PBLD: variants seen among roughly 807,000 people sequenced by gnomAD.
PBLD encodes the protein phenazine biosynthesis like protein domain containing.
In PBLD, 26 loss-of-function variants were observed where a neutral mutation model predicts 31.3. The observed-to-expected ratio is 0.83, with a 90% CI of 0.61 to 1.15. The LOEUF (loss-of-function observed/expected upper bound fraction) is 1.15, where lower values mean the gene tolerates loss of function less well. Among genes scored for constraint, PBLD ranks in the 50% most tolerant of loss-of-function variants. The probability of loss-of-function intolerance (pLI) is 0.00; values close to 1 mark genes in which losing one functional copy is unlikely to be tolerated. For missense variants in PBLD, 307 were observed against 351.7 expected (o/e 0.87, Z 1.02); for synonymous variants, 114 against 129.0 (o/e 0.88, Z 0.79).
chr10:68,313,209 C>T (rs1022623633), intron 1 of PBLD, among the ~76,000 whole-genome samples: 3 of 152,142 alleles, frequency 2.0e-5, no homozygotes, highest in South Asian at 2.1e-4. Flanking sequence ...GCCAACGTGC[C>T]GGGCCGAGTT....
chr10:68,313,901 G>A (rs1367172076), intron 1 of PBLD, among the ~76,000 whole-genome samples: 1 of 152,094 alleles, frequency 6.6e-6, no homozygotes, highest in East Asian at 1.9e-4. Context: ...CTCTGTTAAG[G>A]AAGCTGTACT....
intron 2 of PBLD, among the ~76,000 whole-genome samples, chr10:68,298,979 C>T (rs932435155): frequency 2.6e-5 from 4 of 151,748 alleles, no homozygotes; most frequent in Admixed American, 6.6e-5. Flanking sequence ...TGGTGGCACG[C>T]GCCTGTAATC....
At chr10:68,313,293 T>C (rs2044695293) in intron 1 of PBLD, among the ~76,000 whole-genome samples, 1 of 152,206 alleles carries the variant, frequency 6.6e-6, no homozygotes, top group African/African-American at 2.4e-5. Context: ...CCATACTTTG[T>C]CTCTTCATTC....
chr10:68,322,724 GATGCTACCATCA>G (rs1400685141), intron 1 of PBLD, among the ~76,000 whole-genome samples: 2 of 151,792 alleles, frequency 1.3e-5, no homozygotes, highest in African/African-American at 2.4e-5. Flanking sequence ...ATGTAGCATG[GATGCTACCATCA>G]ATGTAAGATT....
intron 1 of PBLD, among the ~76,000 whole-genome samples, chr10:68,330,751 TGTGTG>T (rs1473134813): frequency 3.2e-5 from 4 of 123,272 alleles, no homozygotes; most frequent in Non-Finnish European, 7.1e-5. Flanking sequence ...TGTGTGTGTG[TGTGTG>T]TATTTTTAGT....
At chr10:68,328,500 A>G (rs1299261414) in intron 1 of PBLD, among the ~76,000 whole-genome samples, 1 of 152,120 alleles carries the variant, frequency 6.6e-6, no homozygotes, top group Non-Finnish European at 1.5e-5. Flanking sequence ...TCACATGGGT[A>G]CTTCTATTTC....
chr10:68,330,962 C>T (rs2045055367), intron 1 of PBLD, among the ~76,000 whole-genome samples: 2 of 152,104 alleles, frequency 1.3e-5, no homozygotes, highest in Non-Finnish European at 2.9e-5. Context: ...ACAAGCCATC[C>T]TTTTGCCCAG....
intron 1 of PBLD, among the ~76,000 whole-genome samples, chr10:68,319,105 AAG>A (rs1423307356): frequency 7.4e-6 from 1 of 135,894 alleles, no homozygotes; most frequent in Non-Finnish European, 1.5e-5. Context: ...GAAAGAAAGA[AAG>A]AAAGGAAAAA....
chr10:68,316,881 C>T (rs555557915), intron 1 of PBLD, among the ~76,000 whole-genome samples: 12 of 152,180 alleles, frequency 7.9e-5, no homozygotes, highest in East Asian at 3.9e-4. Context: ...GGCATAGTGG[C>T]GTGCGAATGT....
chr10:68,285,797 G>GC (rs1304820009), intron 8 of PBLD, among the ~76,000 whole-genome samples: 2 of 151,820 alleles, frequency 1.3e-5, no homozygotes, highest in African/African-American at 2.4e-5. Flanking sequence ...TCCTACCTCA[G>GC]CCCCCCGCAA....
At chr10:68,289,179 G>A (rs2044325642) in intron 6 of PBLD, among the ~76,000 whole-genome samples, 160 bp from the exon 7 acceptor site, 1 of 152,118 alleles carries the variant, frequency 6.6e-6, no homozygotes, top group Non-Finnish European at 1.5e-5. Context: ...AGCTTAAGGT[G>A]TTGCCCAAGG....
chr10:68,325,413 A>G (rs1395524111), intron 1 of PBLD, among the ~76,000 whole-genome samples: 1 of 151,972 alleles, frequency 6.6e-6, no homozygotes, highest in Admixed American at 6.5e-5. Flanking sequence ...AAAAATACAA[A>G]AATTAGCCAG....
intron 1 of PBLD, among the ~76,000 whole-genome samples, chr10:68,323,880 A>G (rs1353663269): frequency 1.3e-5 from 2 of 152,224 alleles, no homozygotes; most frequent in African/African-American, 2.4e-5. Context: ...GGCCATCCCA[A>G]AAAACTTATT....
chr10:68,302,294 A>G (rs1194782899), intron 2 of PBLD, among the ~76,000 whole-genome samples: 2 of 152,214 alleles, frequency 1.3e-5, no homozygotes, highest in African/African-American at 4.8e-5. Context: ...TCTGAATTCC[A>G]GTGTACTGCT....
chr10:68,298,017 G>T (rs2044454204), intron 2 of PBLD, among the ~76,000 whole-genome samples: 1 of 150,940 alleles, frequency 6.6e-6, no homozygotes, highest in Non-Finnish European at 1.5e-5. Context: ...TGTAATCCTA[G>T]CATTTTGGGA....
chr10:68,298,757 T>TAC (rs57358655), intron 2 of PBLD, among the ~76,000 whole-genome samples: 10,496 of 147,094 alleles, frequency 0.071, 509 homozygotes, highest in South Asian at 0.14. Context: ...TGCATACGAA[T>TAC]ACACACACAC....
intron 1 of PBLD, among the ~76,000 whole-genome samples, chr10:68,319,396 T>C (rs994769875): frequency 1.3e-5 from 2 of 152,126 alleles, no homozygotes; most frequent in Non-Finnish European, 2.9e-5. Context: ...AAAAGTAATC[T>C]AACTTGCTGG....
At chr10:68,296,446 A>G (rs994398305) in intron 3 of PBLD, 82 bp from the exon 4 acceptor site, 5 of 1,060,590 alleles carry the variant, frequency 4.7e-6, no homozygotes, top group East Asian at 2.5e-5. Context: ...TCTTTCCTAT[A>G]TAGTTCTCTA....
intron 1 of PBLD, among the ~76,000 whole-genome samples, chr10:68,318,856 A>G (rs2044774648): frequency 6.6e-6 from 1 of 151,998 alleles, no homozygotes; most frequent in Non-Finnish European, 1.5e-5. Flanking sequence ...GCTTGAGTCC[A>G]GAAGTTCACA....
Sources: gnomAD v4.1 joint callset for allele counts (sites outside exome capture counted in the v4.1 genomes callset) on GRCh38, gnomAD v4.1.1 for gene constraint, MANE v1.5 for transcripts, NCBI Gene and HGNC (gene_info 2026-07-23, HGNC 2026-07-21) for gene names.